Variants in SUMF1 observed in about 807,000 individuals in gnomAD.
The protein encoded by SUMF1 is sulfatase modifying factor 1.
Under a neutral mutation model 47.6 loss-of-function variants are expected in SUMF1, and 48 were observed. The observed-to-expected ratio is 1.01, with a 90% CI of 0.80 to 1.28. The LOEUF is 1.28. Among genes scored for constraint, SUMF1 ranks in the 50% most tolerant of loss-of-function variants. SUMF1 has a pLI of 0.00. For missense variants in SUMF1, 571 were observed against 485.4 expected (o/e 1.18, Z -1.66); for synonymous variants, 230 against 192.1 (o/e 1.20, Z -1.63).
chr3:4,329,077 T>C (rs1211067670), intron 8 of SUMF1, among the ~76,000 whole-genome samples: 1 of 152,226 alleles, frequency 6.6e-6, no homozygotes, highest in Non-Finnish European at 1.5e-5. Context: ...CACATGGTCT[T>C]GGGCATCTCT....
At chr3:4,214,745 C>T (rs561101392) in intron 8 of SUMF1, among the ~76,000 whole-genome samples, 2 of 151,978 alleles carry the variant, frequency 1.3e-5, no homozygotes, top group African/African-American at 4.8e-5. Flanking sequence ...ATCCAAACCA[C>T]CATCAGAGAT....
intron 8 of SUMF1, among the ~76,000 whole-genome samples, chr3:4,318,618 A>T (rs926183989): frequency 1.3e-5 from 2 of 152,186 alleles, no homozygotes; most frequent in African/African-American, 4.8e-5. Context: ...TAAGAACTTA[A>T]AACTCAGGGC....
At chr3:4,235,624 A>G (rs1044650590) in intron 8 of SUMF1, among the ~76,000 whole-genome samples, 11 of 152,138 alleles carry the variant, frequency 7.2e-5, no homozygotes, top group African/African-American at 2.7e-4. Context: ...TCATAAAACC[A>G]AATGTATTAC....
At chr3:4,199,260 T>C (rs1368752483) in intron 8 of SUMF1, among the ~76,000 whole-genome samples, 1 of 151,858 alleles carries the variant, frequency 6.6e-6, no homozygotes, top group African/African-American at 2.4e-5. Flanking sequence ...TATTCTTTTG[T>C]GTATTGCTTC....
chr3:4,177,855 A>G (rs553068716), intron 8 of SUMF1, among the ~76,000 whole-genome samples: 13 of 152,210 alleles, frequency 8.5e-5, no homozygotes, highest in Non-Finnish European at 1.2e-4. Context: ...ATGATAAAGG[A>G]GATATCACCA....
rs991853649 is a variant in SUMF1 at position 4,303,266 on chromosome 3, G to T, written c.1014+73064C>A. On this transcript the variant is annotated intron_variant and NMD_transcript_variant, in intron 8 of 12. Coordinates refer to the SUMF1 transcript ENST00000448413. ...TTCCAGGCCACTCCTGAGAAGAAACGAACTACAATTCCCATGAGGCGGTGG... is the reference window on the plus strand; with the variant it reads ...TTCCAGGCCACTCCTGAGAAGAAACTAACTACAATTCCCATGAGGCGGTGG... 4 of 1,280,132 alleles carry T rather than the reference G, an allele frequency of 3.1e-6. No individual in the cohort carries two copies. In the South Asian group the frequency reaches 5.0e-5, roughly 16 times the overall value. The allele number at this position is 1,280,132 out of a possible 1,614,324, so 79.3% of individuals were successfully genotyped here. A position where few individuals can be genotyped will look rare whatever the true frequency, so the allele number is the denominator to read the frequency against.
intron 8 of SUMF1, among the ~76,000 whole-genome samples, chr3:4,159,070 A>G (rs1459325461): frequency 6.6e-6 from 1 of 151,408 alleles, no homozygotes; most frequent in East Asian, 1.9e-4. Flanking sequence ...TTCTACTTCG[A>G]TATGAATAGT....
At chr3:4,303,747 C>T in intron 8 of SUMF1, 1 of 1,484,116 alleles carries the variant, frequency 6.7e-7, no homozygotes, top group Non-Finnish European at 9.1e-7. Flanking sequence ...CAGTCCATTC[C>T]CTGAAGCGCA....
At chr3:4,201,241 A>G (rs1289422644) in intron 8 of SUMF1, among the ~76,000 whole-genome samples, 2 of 151,990 alleles carry the variant, frequency 1.3e-5, no homozygotes, top group African/African-American at 4.8e-5. Flanking sequence ...TTTATTCTAT[A>G]TAACTATATT....
chr3:4,294,056 T>A (rs886336404), intron 8 of SUMF1, among the ~76,000 whole-genome samples: 1 of 152,184 alleles, frequency 6.6e-6, no homozygotes, highest in South Asian at 2.1e-4. Context: ...AAATACCTAA[T>A]CTATTGGAAT....
chr3:4,106,670 C>A (rs552505313), intron 8 of SUMF1, among the ~76,000 whole-genome samples: 97 of 152,212 alleles, frequency 6.4e-4, no homozygotes, highest in African/African-American at 2.0e-3. Context: ...AGTAGTCAAA[C>A]CCTGGAGAAA....
At chr3:4,251,971 C>G (rs1696812342) in intron 8 of SUMF1, among the ~76,000 whole-genome samples, 2 of 152,110 alleles carry the variant, frequency 1.3e-5, no homozygotes, top group Admixed American at 1.3e-4. Flanking sequence ...CACGGGAAAA[C>G]CAAATTTTCA....
intron 8 of SUMF1, among the ~76,000 whole-genome samples, chr3:4,193,257 G>C (rs569432029): frequency 6.8e-6 from 1 of 147,992 alleles, no homozygotes; most frequent in South Asian, 2.2e-4. Flanking sequence ...AATAATGAAA[G>C]TTCCACATCC....
rs148841895 is a variant in SUMF1 at position 4,410,944 on chromosome 3, T to C, written c.875A>G (p.Tyr292Cys). 1.1e-4 allele frequency: 180 copies of C among 1,613,962 alleles called. No homozygotes were observed. The highest frequency in any genetic ancestry group is 1.2e-4 in the Non-Finnish European group (143 of 1,179,958). ...TTCCCATGCGTTCCCCACTATGTTG[T>C]ATAAGCCATAACCATTGGGAGGGAA... ...DAFPPNGYGL[Y>C]NIVGNAWEWT... Residue 292 changes from tyrosine (Y) to cysteine (C), a missense_variant, in exon 7 of 9, where the codon TAC becomes TGC. Coordinates refer to ENST00000272902, the MANE Select transcript of SUMF1 (RefSeq NM_182760.4).
At chr3:4,409,085 G>T (rs1375076039) in intron 7 of SUMF1, among the ~76,000 whole-genome samples, 1 of 152,182 alleles carries the variant, frequency 6.6e-6, no homozygotes, top group East Asian at 1.9e-4. Context: ...CATGTGACTT[G>T]CTCTCTATAT....
At chr3:4,042,471 A>G (rs1478477789) in intron 9 of SUMF1, among the ~76,000 whole-genome samples, 1 of 152,212 alleles carries the variant, frequency 6.6e-6, no homozygotes, top group Non-Finnish European at 1.5e-5. Flanking sequence ...TACAAAGACC[A>G]TTACAAACTT....
At chr3:4,183,632 T>C (rs568943061) in intron 8 of SUMF1, among the ~76,000 whole-genome samples, 63 of 152,236 alleles carry the variant, frequency 4.1e-4, no homozygotes, top group Non-Finnish European at 4.4e-5. Flanking sequence ...GATCTACACC[T>C]AAATAACTCA....
chr3:4,399,172 A>C (rs577031736), intron 7 of SUMF1, among the ~76,000 whole-genome samples: 1 of 152,306 alleles, frequency 6.6e-6, no homozygotes, highest in East Asian at 1.9e-4. Flanking sequence ...TACAAATGCA[A>C]AGCTTTAAGA....
At chr3:4,201,071 T>A (rs1695530873) in intron 8 of SUMF1, among the ~76,000 whole-genome samples, 1 of 152,128 alleles carries the variant, frequency 6.6e-6, no homozygotes. Flanking sequence ...GCATACAATG[T>A]GCAATAATCA....
Sources: gnomAD v4.1 joint callset for allele counts (sites outside exome capture counted in the v4.1 genomes callset) on GRCh38, gnomAD v4.1.1 for gene constraint, MANE v1.5 for transcripts, NCBI Gene and HGNC (gene_info 2026-07-23, HGNC 2026-07-21) for gene names.